Variants in ZC3H13 observed in about 807,000 individuals in gnomAD.
ZC3H13 encodes zinc finger CCCH domain-containing protein 13.
Under a neutral mutation model 204.1 loss-of-function variants are expected in ZC3H13, and 64 were observed. The observed-to-expected ratio is 0.31, with a 90% CI of 0.26 to 0.39. ZC3H13 has a LOEUF of 0.39. Ranked by LOEUF, ZC3H13 falls within the 10% of genes least tolerant of loss-of-function variation. ZC3H13 has a pLI of 1.00. For missense variants in ZC3H13, 1,833 were observed against 2,082.7 expected (o/e 0.88, Z 2.33); for synonymous variants, 667 against 693.7 (o/e 0.96, Z 0.60).
rs1365999981 is a variant in ZC3H13, at chr13:45,985,674, T to C, written c.1343A>G (p.Asp448Gly). 1 of 1,614,124 alleles carries C rather than the reference T, an allele frequency of 6.2e-7. No individual in the cohort carries two copies. The highest frequency in any genetic ancestry group is 2.2e-5 in the East Asian group (1 of 44,872). The change falls in exon 10 of 19, where the codon GAT becomes GGT. Residue 448 changes from aspartate (D) to glycine (G), a missense_variant. Physicochemically the swap from Asp to Gly is moderately conservative, Grantham distance 94. Coordinates refer to ENST00000679008, the MANE Select transcript of ZC3H13 (RefSeq NM_001330564.2). ...CCGACCATCTCGAGGTTCTCTGTCA[T>C]CTCTGTGGTCTCTAGAAGAGCTCTG... is the stretch of plus-strand genomic sequence containing the variant. The part of the protein sequence containing the change: ...QDQSSSRDHR[D>G]DREPRDGRDR...
rs1349455976 is a variant in ZC3H13 at position 46,010,443 on chromosome 13, T to C, written c.651A>G (p.Lys217=). Residue 217 remains lysine (K), a synonymous_variant, in exon 7 of 19, where the codon AAA becomes AAG. Transcript: ENST00000679008. ...SPSPSLRKSS[K]SPKRKSSPKS... ...TCGGGCTTGATTTTCGCTTCGGAGA[T>C]TTGCTAGACTTTCTTAGAGAAGGTG... 1.2e-6 allele frequency: 2 copies of C among 1,613,712 alleles called. No homozygotes were observed. The highest frequency in any genetic ancestry group is 1.1e-5 in the South Asian group (1 of 91,048).
chr13:45,988,429 T>C (rs1055986134), intron 9 of ZC3H13, among the ~76,000 whole-genome samples: 1 of 152,128 alleles, frequency 6.6e-6, no homozygotes, highest in Non-Finnish European at 1.5e-5. Flanking sequence ...AGCTAATTTT[T>C]TGTATTTTTA....
intron 8 of ZC3H13, among the ~76,000 whole-genome samples, chr13:46,001,631 T>C (rs2040750828): frequency 6.6e-6 from 1 of 152,120 alleles, no homozygotes; most frequent in Admixed American, 6.6e-5. Context: ...AACACAAATG[T>C]TTTTACCATT....
intron 15 of ZC3H13, among the ~76,000 whole-genome samples, chr13:45,966,570 A>G (rs1236363554): frequency 6.6e-6 from 1 of 152,174 alleles, no homozygotes; most frequent in Non-Finnish European, 1.5e-5. Context: ...CCAGCAAATT[A>G]TATATTTTAG....
In ZC3H13 at chr13:45,968,596, T is replaced by C; in HGVS notation, c.3796+152A>G. ...GTATTAATGTGATAACAGGTAACAT[T>C]TTGATAGGGCAGCTAAACTTTTCTT... On this transcript the variant is annotated intron_variant, in intron 14 of 18. Coordinates refer to ENST00000679008, the MANE Select transcript of ZC3H13 (RefSeq NM_001330564.2). 7 of 946,844 alleles carry C rather than the reference T, an allele frequency of 7.4e-6. No individual in the cohort carries two copies. In the South Asian group the frequency reaches 1.4e-4, roughly 18 times the overall value. 58.7% of individuals were successfully genotyped at this position (946,844 alleles called of 1,614,324 possible). A position where few individuals can be genotyped will look rare whatever the true frequency, so the allele number is the denominator to read the frequency against.
At chr13:46,047,675 A>G (rs1181072238) in intron 1 of ZC3H13, among the ~76,000 whole-genome samples, 1 of 151,736 alleles carries the variant, frequency 6.6e-6, no homozygotes, top group Non-Finnish European at 1.5e-5. Flanking sequence ...AAACTTTTTT[A>G]ACAATATATA....
At chr13:45,983,099 T>C (rs759748155) in intron 10 of ZC3H13, among the ~76,000 whole-genome samples, 1 of 152,026 alleles carries the variant, frequency 6.6e-6, no homozygotes, top group Non-Finnish European at 1.5e-5. Context: ...GAAAGTGTAG[T>C]TAAAACAAAC....
intron 5 of ZC3H13, among the ~76,000 whole-genome samples, chr13:46,015,987 A>G (rs2041886336): frequency 6.6e-6 from 1 of 152,136 alleles, no homozygotes; most frequent in African/African-American, 2.4e-5. Flanking sequence ...TGGAACAGAC[A>G]CTTCACAAAA....
At chr13:45,976,081 C>T (rs574376754) in intron 11 of ZC3H13, 1 of 774,838 alleles carries the variant, frequency 1.3e-6, no homozygotes, top group African/African-American at 1.9e-5. Flanking sequence ...CAACCCCCTT[C>T]CCCCCTCCCA....
intron 4 of ZC3H13, among the ~76,000 whole-genome samples, chr13:46,023,860 A>C (rs1332210478): frequency 1.3e-5 from 2 of 152,192 alleles, no homozygotes; most frequent in Admixed American, 1.3e-4. Context: ...CCATAATAAG[A>C]AGCAATCTGG....
chr13:45,981,562 T>A (rs553158073), intron 10 of ZC3H13, among the ~76,000 whole-genome samples: 1 of 152,258 alleles, frequency 6.6e-6, no homozygotes, highest in Non-Finnish European at 1.5e-5. Flanking sequence ...ATTGCCACAC[T>A]GACTTCCACA....
chr13:46,044,504 G>A (rs1234867016), intron 3 of ZC3H13, among the ~76,000 whole-genome samples: 2 of 151,924 alleles, frequency 1.3e-5, no homozygotes, highest in African/African-American at 2.4e-5. Flanking sequence ...CTGTGCTAAG[G>A]GATTTGGCAA....
chr13:46,017,343 C>T lies in ZC3H13; in HGVS notation c.448+3106G>A, dbSNP rs145195884. ...ACATTGTTTGCCTGGTGTACTCATT[C>T]TCCCATGAGTAGATAGTGGAGTTTC... On this transcript the variant is annotated intron_variant, in intron 5 of 18. Coordinates refer to ENST00000679008, the MANE Select transcript of ZC3H13 (RefSeq NM_001330564.2). 7.2e-5 allele frequency among the ~76,000 whole-genome samples: 11 copies of T among 152,158 alleles called. No individual in the cohort carries two copies. The East Asian group carries it at 2.1e-3, about 29-fold the overall frequency.
chr13:45,993,669 A>G (rs1301195004), intron 8 of ZC3H13, among the ~76,000 whole-genome samples: 1 of 152,228 alleles, frequency 6.6e-6, no homozygotes, highest in African/African-American at 2.4e-5. Context: ...ACTCGTCTAA[A>G]TAAACCTGTA....
intron 7 of ZC3H13, among the ~76,000 whole-genome samples, chr13:46,009,323 A>T (rs553908081): frequency 6.6e-6 from 1 of 152,162 alleles, no homozygotes; most frequent in African/African-American, 2.4e-5. Context: ...ATGGTATAAT[A>T]AATTAATTGG....
At chr13:46,000,315 T>C (rs1483826301) in intron 8 of ZC3H13, among the ~76,000 whole-genome samples, 1 of 152,182 alleles carries the variant, frequency 6.6e-6, no homozygotes, top group African/African-American at 2.4e-5. Flanking sequence ...AAAATTTGTT[T>C]AGTGTGGCCA....
chr13:46,016,767 C>G (rs914705113), intron 5 of ZC3H13, among the ~76,000 whole-genome samples: 1 of 152,060 alleles, frequency 6.6e-6, no homozygotes, highest in Non-Finnish European at 1.5e-5. Context: ...AAAGATTATT[C>G]TTGCTTTAAA....
chr13:46,020,660 T>C, intron 4 of ZC3H13, 103 bp from the exon 5 acceptor site: 1 of 761,728 alleles, frequency 1.3e-6, no homozygotes, highest in Middle Eastern at 3.9e-4. Flanking sequence ...CTCTGTTTCA[T>C]CAAAGAATCA....
At chr13:45,959,899 G>A (rs924571036) in intron 17 of ZC3H13, among the ~76,000 whole-genome samples, 4 of 151,832 alleles carry the variant, frequency 2.6e-5, no homozygotes, top group Non-Finnish European at 5.9e-5. Context: ...CAGACTGTAT[G>A]TGGATCTCAA....
Sources: allele counts gnomAD v4.1 joint callset (sites outside exome capture counted in the v4.1 genomes callset), GRCh38; gene constraint gnomAD v4.1.1; transcripts MANE v1.5; gene names NCBI Gene and HGNC (gene_info 2026-07-23, HGNC 2026-07-21).